Variants in TBCEL observed in about 807,000 individuals in gnomAD.
TBCEL encodes the protein tubulin-specific chaperone cofactor E-like protein.
In TBCEL, 15 loss-of-function variants were observed where a neutral mutation model predicts 44.2. The ratio of observed to expected loss-of-function variants is 0.34; its 90% CI spans 0.23 to 0.52. TBCEL has a LOEUF of 0.52. Ranked by LOEUF, TBCEL falls within the 20% of genes least tolerant of loss-of-function variation. The pLI, the probability that TBCEL is intolerant of heterozygous loss-of-function variation, is 0.95. For synonymous variants in TBCEL, 171 were observed against 185.4 expected (o/e 0.92, Z 0.63); for missense variants, 319 against 506.3 (o/e 0.63, Z 3.55).
At chr11:121,049,639 CAA>C (rs1168351046) in intron 4 of TBCEL, among the ~76,000 whole-genome samples, 1 of 151,792 alleles carries the variant, frequency 6.6e-6, no homozygotes, top group African/African-American at 2.4e-5. Flanking sequence ...TGGTCCTCTG[CAA>C]CATTTAACTG....
chr11:121,076,329 A>G (rs1319640338), intron 8 of TBCEL, among the ~76,000 whole-genome samples: 2 of 151,838 alleles, frequency 1.3e-5, no homozygotes, highest in Non-Finnish European at 2.9e-5. Context: ...ATCTCTTTCC[A>G]TTTATTTAAG....
intron 8 of TBCEL, among the ~76,000 whole-genome samples, chr11:121,077,973 G>C (rs1946061563): frequency 6.6e-6 from 1 of 151,938 alleles, no homozygotes; most frequent in South Asian, 2.1e-4. Flanking sequence ...TATAGTTAGA[G>C]AACGTACGTT....
At chr11:121,058,982 G>C (rs747229247) in intron 7 of TBCEL, among the ~76,000 whole-genome samples, 1 of 151,878 alleles carries the variant, frequency 6.6e-6, no homozygotes, top group Admixed American at 6.6e-5. Flanking sequence ...CTCAGCCTCT[G>C]CCTCCACATA....
At chr11:121,064,301 G>A (rs779280251) in intron 8 of TBCEL, among the ~76,000 whole-genome samples, 72 of 152,270 alleles carry the variant, frequency 4.7e-4, no homozygotes, top group Admixed American at 1.6e-3. Context: ...TTCAAGACCC[G>A]TACTTAATGA....
At chr11:121,024,898 CTG>C (rs1945018875) in intron 1 of TBCEL, among the ~76,000 whole-genome samples, 1 of 152,098 alleles carries the variant, frequency 6.6e-6, no homozygotes, top group Non-Finnish European at 1.5e-5. Context: ...GGTTGGGAGA[CTG>C]AGAACGAGGG....
Position 121,053,437 on chromosome 11 carries a change from T to C in TBCEL, c.274-114T>C. 3.4e-6 allele frequency: 3 copies of C among 879,178 alleles called. No individual in the cohort carries two copies. In the South Asian group the frequency reaches 5.0e-5, roughly 15 times the overall value. 54.5% of individuals were successfully genotyped at this position (879,178 alleles called of 1,614,324 possible). On this transcript the variant is annotated intron_variant, in intron 4 of 8. Transcript: ENST00000683345. ...TACCGTCACTAAATAATAGGACTCC[T>C]TGATGTAAATGGCCCTTTGCCTGGA... is the stretch of plus-strand genomic sequence containing the variant.
chr11:121,032,275 T>C (rs1362720728), intron 1 of TBCEL, among the ~76,000 whole-genome samples: 1 of 152,210 alleles, frequency 6.6e-6, no homozygotes, highest in African/African-American at 2.4e-5. Context: ...TGTTCTCTGT[T>C]TCATTGGTCT....
chr11:121,035,977 T>C (rs1945224628), intron 1 of TBCEL: 1 of 152,178 alleles, frequency 6.6e-6, no homozygotes, highest in African/African-American at 2.4e-5. Flanking sequence ...GTGTGTGATG[T>C]TGTGTACTGT....
chr11:121,032,583 G>A (rs1053021931), intron 1 of TBCEL, among the ~76,000 whole-genome samples: 3 of 152,102 alleles, frequency 2.0e-5, no homozygotes, highest in East Asian at 1.9e-4. Context: ...TGATCTAATT[G>A]TGCATTTTCT....
chr11:121,033,221 TAAA>T (rs924155914), intron 1 of TBCEL, among the ~76,000 whole-genome samples: 1 of 152,164 alleles, frequency 6.6e-6, no homozygotes, highest in Non-Finnish European at 1.5e-5. Flanking sequence ...TTGCAACTCT[TAAA>T]ATGTTGAAAA....
At chr11:121,064,810 T>A (rs1243438218) in intron 8 of TBCEL, among the ~76,000 whole-genome samples, 1 of 152,150 alleles carries the variant, frequency 6.6e-6, no homozygotes, top group Non-Finnish European at 1.5e-5. Context: ...ATCTCCATTA[T>A]CATACTTATT....
chr11:121,058,853 G>A (rs1945668837), intron 7 of TBCEL, among the ~76,000 whole-genome samples: 2 of 151,788 alleles, frequency 1.3e-5, no homozygotes, highest in African/African-American at 2.4e-5. Flanking sequence ...CTGAAACTTG[G>A]GCTGTTTCAT....
At chr11:121,047,935 T>A (rs867142066) in intron 4 of TBCEL, 2,302 of 115,138 alleles carry the variant, frequency 0.02, 90 homozygotes, top group African/African-American at 0.072. Context: ...ATCTTTAATT[T>A]AAAAAAAAAA....
chr11:121,029,848 A>G (rs1945113273), intron 1 of TBCEL, among the ~76,000 whole-genome samples: 1 of 152,186 alleles, frequency 6.6e-6, no homozygotes, highest in Non-Finnish European at 1.5e-5. Flanking sequence ...TCTATTGATA[A>G]TGAAATTCAC....
intron 6 of TBCEL, among the ~76,000 whole-genome samples, chr11:121,057,824 C>T (rs1945648797): frequency 7.0e-6 from 1 of 142,232 alleles, no homozygotes; most frequent in South Asian, 2.2e-4. Flanking sequence ...TGTAGGAGGT[C>T]CTGGAAACCA....
chr11:121,028,283 T>C (rs1460725638), intron 1 of TBCEL, among the ~76,000 whole-genome samples: 1 of 152,192 alleles, frequency 6.6e-6, no homozygotes, highest in Non-Finnish European at 1.5e-5. Flanking sequence ...AATCAGAATC[T>C]CTGGTGGAAT....
rs1945598968 is a variant in TBCEL at position 121,055,274 on chromosome 11, T to C, written c.678T>C (p.Phe226=). 6.2e-7 allele frequency: 1 copy of C among 1,610,822 alleles called. No homozygotes were observed. Among genetic ancestry groups the C allele is most frequent in the Admixed American group, 1.7e-5 (1 of 59,652 alleles). Residue 226 remains phenylalanine (F), a synonymous_variant, in exon 6 of 9, where the codon TTT becomes TTC. Transcript: ENST00000683345. ...CTGATGATTCATTGGCCAGGTTGTTTCCTAATCTTCGATCCATCAGCCTCC... is the reference window on the plus strand; with the variant it reads ...CTGATGATTCATTGGCCAGGTTGTTCCCTAATCTTCGATCCATCAGCCTCC... ...EEPDDSLARL[F]PNLRSISLHK...
At chr11:121,056,157 C>T (rs1005883968) in intron 6 of TBCEL, among the ~76,000 whole-genome samples, 8 of 151,742 alleles carry the variant, frequency 5.3e-5, no homozygotes, top group Non-Finnish European at 7.4e-5. Context: ...CCTCCAATCC[C>T]GGCAACCACT....
chr11:121,036,817 A>G (rs1945239673), intron 2 of TBCEL, among the ~76,000 whole-genome samples: 3 of 152,214 alleles, frequency 2.0e-5, no homozygotes, highest in Non-Finnish European at 4.4e-5. Flanking sequence ...TTCAACATCT[A>G]AAGTGCCTTA....
Sources: allele counts gnomAD v4.1 joint callset (sites outside exome capture counted in the v4.1 genomes callset), GRCh38; gene constraint gnomAD v4.1.1; transcripts MANE v1.5; gene names NCBI Gene and HGNC (gene_info 2026-07-23, HGNC 2026-07-21).